PTPN5: variants seen among roughly 807,000 people sequenced by gnomAD.
PTPN5 encodes tyrosine-protein phosphatase non-receptor type 5.
In PTPN5, 29 loss-of-function variants were observed where a neutral mutation model predicts 73.9. The observed-to-expected ratio is 0.39, with a 90% CI of 0.29 to 0.54. The LOEUF (loss-of-function observed/expected upper bound fraction) is 0.54. PTPN5 is among the 20% of genes least tolerant of loss of function. PTPN5 has a pLI of 0.65. For missense variants in PTPN5, 652 were observed against 751.4 expected, an observed-to-expected ratio of 0.87 and a Z score of 1.55; for synonymous variants, 267 against 304.7, an observed-to-expected ratio of 0.88 and a Z score of 1.29.
chr11:18,757,451 T>A (rs970774074), intron 3 of PTPN5, among the ~76,000 whole-genome samples: 32 of 152,038 alleles, frequency 2.1e-4, no homozygotes, highest in African/African-American at 7.5e-4. Context: ...AGGTAAGGAG[T>A]CCAGGGAACC....
chr11:18,776,455 C>T (rs1257287567), intron 1 of PTPN5, among the ~76,000 whole-genome samples: 1 of 152,160 alleles, frequency 6.6e-6, no homozygotes, highest in Non-Finnish European at 1.5e-5. Context: ...ATGCCAGTCT[C>T]CCAGCCTCAC....
intron 2 of PTPN5, 97 bp from the exon 3 acceptor site, chr11:18,765,980 T>A (rs1246948066): frequency 1.1e-6 from 1 of 907,604 alleles, no homozygotes; most frequent in South Asian, 1.4e-5. Flanking sequence ...CTGTATTCTG[T>A]ATCCCTTTGA....
chr11:18,732,590 A>AC lies in PTPN5; in HGVS notation c.1329+1dup. 6.2e-7 allele frequency: 1 copy of AC among 1,612,458 alleles called. No individual in the cohort carries two copies. The highest frequency in any genetic ancestry group is 8.5e-7 in the Non-Finnish European group (1 of 1,179,054). On this transcript the variant is annotated splice_donor_variant, in intron 12 of 14. Transcript: ENST00000358540. LOFTEE classifies it high-confidence loss of function. ...TTCACCCAGCCCTGCCCCAGGCCTC[A>AC]CCTTGAGGGAGATGAGTCGCAGCCG...
At chr11:18,782,655 G>A (rs573389124) in intron 1 of PTPN5, among the ~76,000 whole-genome samples, 1 of 152,274 alleles carries the variant, frequency 6.6e-6, no homozygotes, top group African/African-American at 2.4e-5. Context: ...GAACTTTTGC[G>A]GGTGATGGAA....
At chr11:18,784,814 C>T (rs1851595909) in intron 1 of PTPN5, among the ~76,000 whole-genome samples, 1 of 151,858 alleles carries the variant, frequency 6.6e-6, no homozygotes, top group Admixed American at 6.6e-5. Context: ...ATCTTCCTCT[C>T]CATCCTCTCC....
chr11:18,774,592 A>C (rs1458678641), intron 1 of PTPN5, among the ~76,000 whole-genome samples: 1 of 152,204 alleles, frequency 6.6e-6, no homozygotes, highest in East Asian at 1.9e-4. Flanking sequence ...GAGCAGGAAA[A>C]ACACACACAG....
Position 18,733,782 on chromosome 11 carries a change from T to G in PTPN5, c.1001-147A>C, listed in dbSNP as rs1056677120. On this transcript the variant is annotated intron_variant, in intron 9 of 14. Transcript: ENST00000358540. This position sits in a 1 kb window ranked among gnomAD's most constrained non-coding sequence, Gnocchi z 4.3. ...GCCCAGCAGCAAAACATTGACCCAT[T>G]CATGGTTCATTTTGTAGGTGAGGAC... 8.1e-6 allele frequency: 6 copies of G among 741,588 alleles called. No homozygotes were observed. In the African/African-American group the frequency reaches 1.0e-4, roughly 13 times the overall value. 45.9% of individuals were successfully genotyped at this position (741,588 alleles called of 1,614,324 possible). A position where few individuals can be genotyped will look rare whatever the true frequency, so the allele number is the denominator to read the frequency against.
intron 3 of PTPN5, among the ~76,000 whole-genome samples, chr11:18,751,342 G>A (rs1471435544): frequency 6.6e-6 from 1 of 152,184 alleles, no homozygotes; most frequent in Non-Finnish European, 1.5e-5. Context: ...ATTATCTCCT[G>A]CCTTAAAGAT....
At position 18,742,918 on chromosome 11, in the gene PTPN5, T is replaced by A. The variant is rs113275405; in HGVS notation, c.483+74A>T. ...CAGAATGTCCAGCCTATAAGTCAGA[T>A]GGGAGCTGGTAGAAATCCAGGCCTC... On this transcript the variant is annotated intron_variant, in intron 6 of 14. Transcript: ENST00000358540. The surrounding 1 kb of genome is among the most constrained non-coding windows in gnomAD (Gnocchi z 4.1). 6.0e-5 allele frequency: 60 copies of A among 1,001,964 alleles called. No individual in the cohort carries two copies. Among genetic ancestry groups the A allele is most frequent in the African/African-American group, 5.4e-4 (34 of 62,468 alleles). The allele number at this position is 1,001,964 out of a possible 1,614,324, so 62.1% of individuals were successfully genotyped here. A position where few individuals can be genotyped will look rare whatever the true frequency, so the allele number is the denominator to read the frequency against.
intron 2 of PTPN5, among the ~76,000 whole-genome samples, chr11:18,770,010 C>T (rs1021357656): frequency 6.6e-6 from 1 of 152,146 alleles, no homozygotes; most frequent in Admixed American, 6.5e-5. Flanking sequence ...CTGGCTCTCT[C>T]ACACCTGGTC....
At chr11:18,760,738 G>A (rs997435165) in intron 3 of PTPN5, among the ~76,000 whole-genome samples, 8 of 152,214 alleles carry the variant, frequency 5.3e-5, no homozygotes, top group East Asian at 1.9e-4. Flanking sequence ...CAAGAGCAGC[G>A]TTGTCCTTAG....
At chr11:18,785,948 T>C (rs1003858268) in intron 1 of PTPN5, among the ~76,000 whole-genome samples, 4 of 152,206 alleles carry the variant, frequency 2.6e-5, no homozygotes, top group Non-Finnish European at 4.4e-5. Context: ...CCGCATCTGG[T>C]GTGAGGGGAT....
intron 3 of PTPN5, among the ~76,000 whole-genome samples, chr11:18,745,390 G>A (rs1048153976): frequency 1.3e-5 from 2 of 152,164 alleles, no homozygotes; most frequent in African/African-American, 4.8e-5. Flanking sequence ...CAGAGAACCC[G>A]GTCCTGGAGC....
rs901328557 is a variant in PTPN5, at chr11:18,780,776, C to A, written c.-113-8705G>T. Among the ~76,000 whole-genome samples, 34 of 152,102 alleles carry A rather than the reference C, an allele frequency of 2.2e-4. 1 individual carries two copies. Among genetic ancestry groups the A allele is most frequent in the Admixed American group, 2.2e-3 (33 of 15,278 alleles). On this transcript the variant is annotated intron_variant, in intron 1 of 14. Transcript: ENST00000358540. ...GCTGACAAGGGGCAAGGGATAAAAC[C>A]CCCTCTTTATCCCCCACGACAGAAA... is the stretch of plus-strand genomic sequence containing the variant.
chr11:18,730,508 C>A (rs1253819279), intron 12 of PTPN5: 1 of 152,274 alleles, frequency 6.6e-6, no homozygotes, highest in African/African-American at 2.4e-5. Flanking sequence ...AAGGGAGGGC[C>A]TTTGCGAGGT....
chr11:18,775,065 C>G (rs546158171), intron 1 of PTPN5, among the ~76,000 whole-genome samples: 2 of 152,324 alleles, frequency 1.3e-5, no homozygotes, highest in Middle Eastern at 6.8e-3. Flanking sequence ...TTAGCAAACT[C>G]AGTCCTCACA....
At chr11:18,732,504 T>C (rs1286425713) in intron 12 of PTPN5, 88 bp downstream of exon 12, 2 of 913,060 alleles carry the variant, frequency 2.2e-6, no homozygotes, top group African/African-American at 3.3e-5. Flanking sequence ...TCAGTTACAG[T>C]GGACTTGGGG....
chr11:18,777,979 A>AAAGAAAGAAAGGAAGGAAGGAAGG lies in PTPN5; in HGVS notation c.-113-5909_-113-5908insCCTTCCTTCCTTCCTTTCTTTCTT, dbSNP rs1851242608. Among the ~76,000 whole-genome samples the AAAGAAAGAAAGGAAGGAAGGAAGG allele has an allele frequency of 1.7e-4, 7 of 40,608 alleles. No homozygotes were observed. The South Asian group carries it at 5.0e-3, about 29-fold the overall frequency. The allele number at this position is 40,608 out of a possible 152,430, so 26.6% of individuals were successfully genotyped here. ...GGAAGAAAGGAAGGAAGGAAGGAAG[A>AAAGAAAGAAAGGAAGGAAGGAAGG]AAGAAAGAAAGAAAGGAAGGAAGGA... On this transcript the variant is annotated intron_variant, in intron 1 of 14. Transcript: ENST00000358540.
In PTPN5 at chr11:18,733,696, C is replaced by T. The variant is rs558576002; in HGVS notation, c.1001-61G>A. 6.9e-7 allele frequency: 1 copy of T among 1,454,634 alleles called. No individual in the cohort carries two copies. The highest frequency in any genetic ancestry group is 1.1e-5 in the South Asian group (1 of 87,488). The allele number at this position is 1,454,634 out of a possible 1,614,324, so 90.1% of individuals were successfully genotyped here. The stretch of plus-strand genomic sequence containing the variant: ...GGCCCTCTGGTGCAGGACCCACTTG[C>T]TCTGGCCTATTCCAGCATACCCACA... On this transcript the variant is annotated intron_variant, in intron 9 of 14. Transcript: ENST00000358540. This position sits in a 1 kb window ranked among gnomAD's most constrained non-coding sequence, Gnocchi z 4.3.
Sources: allele counts gnomAD v4.1 joint callset (sites outside exome capture counted in the v4.1 genomes callset), GRCh38; gene constraint gnomAD v4.1.1; non-coding constraint Gnocchi (gnomAD v3.1); transcripts MANE v1.5; gene names NCBI Gene and HGNC (gene_info 2026-07-23, HGNC 2026-07-21).